PLA2G4A: variants seen among roughly 807,000 people sequenced by gnomAD.
PLA2G4A encodes the protein cytosolic phospholipase A2.
Under a neutral mutation model 81.9 loss-of-function variants are expected in PLA2G4A, and 40 were observed. The observed-to-expected ratio is 0.49, with a 90% CI of 0.38 to 0.64. The LOEUF (loss-of-function observed/expected upper bound fraction) is 0.64, where lower values mean the gene tolerates loss of function less well. Among genes scored for constraint, PLA2G4A ranks in the 30% least tolerant of loss-of-function variants. The probability of loss-of-function intolerance (pLI) is 0.00; values close to 1 mark genes in which losing one functional copy is unlikely to be tolerated. For synonymous variants in PLA2G4A, 302 were observed against 296.9 expected (o/e 1.02, Z -0.18); for missense variants, 715 against 905.1 (o/e 0.79, Z 2.69).
At chr1:186,952,007 G>C (rs1247651131) in intron 13 of PLA2G4A, among the ~76,000 whole-genome samples, 1 of 152,106 alleles carries the variant, frequency 6.6e-6, no homozygotes, top group East Asian at 1.9e-4. Context: ...AAGCAAGCAA[G>C]TCTTCATCCT....
At chr1:186,841,506 T>C (rs1651981471) in intron 1 of PLA2G4A, among the ~76,000 whole-genome samples, 1 of 152,156 alleles carries the variant, frequency 6.6e-6, no homozygotes, top group African/African-American at 2.4e-5. Context: ...AGAGGTATGT[T>C]CAGTTTCAGC....
At chr1:186,888,532 T>C (rs559725886) in intron 3 of PLA2G4A, among the ~76,000 whole-genome samples, 24 of 152,294 alleles carry the variant, frequency 1.6e-4, no homozygotes, top group Admixed American at 1.4e-3. Context: ...CTTATTTGTG[T>C]GTAATAATCT....
chr1:186,870,111 G>A (rs750460062), intron 2 of PLA2G4A, among the ~76,000 whole-genome samples: 1 of 152,110 alleles, frequency 6.6e-6, no homozygotes, highest in Non-Finnish European at 1.5e-5. Flanking sequence ...ATAAGCCAGG[G>A]CTTCCTAGTC....
At chr1:186,980,532 T>C (rs752873839) in intron 17 of PLA2G4A, among the ~76,000 whole-genome samples, 2 of 152,164 alleles carry the variant, frequency 1.3e-5, no homozygotes, top group African/African-American at 2.4e-5. Context: ...AGAAATTAAA[T>C]GGAGAAGGAA....
intron 1 of PLA2G4A, among the ~76,000 whole-genome samples, chr1:186,843,001 G>C (rs920805711): frequency 6.6e-6 from 1 of 152,174 alleles, no homozygotes; most frequent in Non-Finnish European, 1.5e-5. Context: ...GGGGATTCTA[G>C]GGCCAGCTCA....
At chr1:186,865,484 T>C (rs1558377933) in intron 2 of PLA2G4A, among the ~76,000 whole-genome samples, 1 of 152,144 alleles carries the variant, frequency 6.6e-6, no homozygotes, top group Non-Finnish European at 1.5e-5. Flanking sequence ...CCTCAGGATT[T>C]ATTAATGACA....
Position 186,911,357 on chromosome 1 carries a change from A to G in PLA2G4A, c.526A>G (p.Lys176Glu), listed in dbSNP as rs1654934380. The change falls in exon 7 of 18, where the codon AAG becomes GAG. Residue 176 changes from lysine to glutamate, a missense_variant. Lys to Glu is a moderately conservative substitution (Grantham distance 56). Coordinates refer to ENST00000367466, the MANE Select transcript of PLA2G4A (RefSeq NM_024420.3). ...RESMKKLLGP[K>E]NSEGLHSARD... ...GAGCATGAAGAAACTCTTGGGTCCA[A>G]AGAATAGTGAAGGATTGCATTCTGC... The G allele has an allele frequency of 6.2e-7, 1 of 1,611,480 alleles. No homozygotes were observed.
At chr1:186,834,575 C>G (rs1651713033) in intron 1 of PLA2G4A, among the ~76,000 whole-genome samples, 1 of 152,092 alleles carries the variant, frequency 6.6e-6, no homozygotes, top group Non-Finnish European at 1.5e-5. Flanking sequence ...TCCATAATAA[C>G]TCAATCGTTC....
intron 3 of PLA2G4A, among the ~76,000 whole-genome samples, chr1:186,881,293 A>G (rs910238614): frequency 6.6e-6 from 1 of 152,104 alleles, no homozygotes; most frequent in African/African-American, 2.4e-5. Flanking sequence ...GGATTTCAAC[A>G]TAGTGTTAAT....
intron 7 of PLA2G4A, among the ~76,000 whole-genome samples, chr1:186,913,217 G>C (rs952472225): frequency 4.6e-5 from 7 of 151,578 alleles, no homozygotes; most frequent in African/African-American, 1.2e-4. Flanking sequence ...AAATCATTAA[G>C]TTGAAGAAAT....
chr1:186,948,521 A>C (rs1347743008), intron 12 of PLA2G4A, among the ~76,000 whole-genome samples: 1 of 151,910 alleles, frequency 6.6e-6, no homozygotes, highest in Non-Finnish European at 1.5e-5. Context: ...TTTTAGAAAA[A>C]AAAAAAAAAG....
chr1:186,980,984 A>G (rs1358929218), intron 17 of PLA2G4A, among the ~76,000 whole-genome samples: 1 of 152,200 alleles, frequency 6.6e-6, no homozygotes, highest in Non-Finnish European at 1.5e-5. Flanking sequence ...GTGATACATT[A>G]TCTCTATGGT....
intron 3 of PLA2G4A, among the ~76,000 whole-genome samples, chr1:186,885,979 G>T (rs1393624262): frequency 6.6e-6 from 1 of 152,104 alleles, no homozygotes; most frequent in Non-Finnish European, 1.5e-5. Flanking sequence ...AAAATATAAT[G>T]GCTGGGTATT....
At chr1:186,837,605 C>T (rs1283859183) in intron 1 of PLA2G4A, among the ~76,000 whole-genome samples, 7 of 149,300 alleles carry the variant, frequency 4.7e-5, no homozygotes, top group Admixed American at 6.7e-5. Context: ...GGCGTGGTGG[C>T]GGGCGCCTGT....
At chr1:186,949,341 A>C (rs1656456384) in intron 12 of PLA2G4A, among the ~76,000 whole-genome samples, 1 of 148,374 alleles carries the variant, frequency 6.7e-6, no homozygotes, top group Non-Finnish European at 1.5e-5. Context: ...GAAAGAAGAA[A>C]GAAAGAGAAA....
intron 3 of PLA2G4A, among the ~76,000 whole-genome samples, chr1:186,871,673 A>T (rs1205182845): frequency 6.6e-6 from 1 of 152,132 alleles, no homozygotes; most frequent in African/African-American, 2.4e-5. Flanking sequence ...GGGGGCTGGA[A>T]GGGCAGATGA....
intron 17 of PLA2G4A, among the ~76,000 whole-genome samples, chr1:186,986,834 C>T (rs1657905984): frequency 6.6e-6 from 1 of 152,156 alleles, no homozygotes; most frequent in Non-Finnish European, 1.5e-5. Context: ...AGTGTTTGTG[C>T]CTGGTAGCCT....
chr1:186,944,866 TG>T (rs1297669616), intron 10 of PLA2G4A, among the ~76,000 whole-genome samples: 1 of 152,142 alleles, frequency 6.6e-6, no homozygotes, highest in African/African-American at 2.4e-5. Flanking sequence ...CCACATTGAG[TG>T]GGATAAATGA....
chr1:186,939,618 G>A (rs1390300699), intron 9 of PLA2G4A, among the ~76,000 whole-genome samples: 4 of 152,212 alleles, frequency 2.6e-5, no homozygotes, highest in South Asian at 2.1e-4. Flanking sequence ...GAAGGGGATC[G>A]CATAGAACAG....
Sources: gnomAD v4.1 joint callset for allele counts (sites outside exome capture counted in the v4.1 genomes callset) on GRCh38, gnomAD v4.1.1 for gene constraint, MANE v1.5 for transcripts, NCBI Gene and HGNC (gene_info 2026-07-23, HGNC 2026-07-21) for gene names.